Variants in DNM3 observed in about 807,000 individuals in gnomAD.
DNM3 encodes the protein dynamin-3.
DNM3 carries 47 observed loss-of-function variants against 101.6 expected under a neutral mutation model. The observed-to-expected ratio is 0.46, with a 90% confidence interval of 0.37 to 0.59. DNM3 has a LOEUF of 0.59. Among genes scored for constraint, DNM3 ranks in the 20% least tolerant of loss-of-function variants. The probability of loss-of-function intolerance (pLI) is 0.00; values close to 1 mark genes in which losing one functional copy is unlikely to be tolerated. For synonymous variants in DNM3, 385 were observed against 387.9 expected (o/e 0.99, Z 0.09); for missense variants, 849 against 1,085.7 (o/e 0.78, Z 3.06).
chr1:172,325,440 A>G (rs144516794), intron 17 of DNM3, among the ~76,000 whole-genome samples: 1 of 152,106 alleles, frequency 6.6e-6, no homozygotes, highest in Non-Finnish European at 1.5e-5. Context: ...CTTATTTTTA[A>G]TTGTTTGTTA....
downstream of DNM3, among the ~76,000 whole-genome samples, chr1:172,417,268 G>C (rs993953283): frequency 6.6e-6 from 1 of 152,122 alleles, no homozygotes; most frequent in Non-Finnish European, 1.5e-5. Context: ...TGGTTAGAAA[G>C]GGGAAATTAA....
chr1:172,252,548 G>C (rs1306780409), intron 14 of DNM3, among the ~76,000 whole-genome samples: 1 of 152,094 alleles, frequency 6.6e-6, no homozygotes, highest in Non-Finnish European at 1.5e-5. Context: ...ATTCTCTCCA[G>C]CTCTGGACTT....
intron 1 of DNM3, among the ~76,000 whole-genome samples, chr1:171,890,145 G>A (rs566861100): frequency 6.6e-6 from 1 of 152,300 alleles, no homozygotes; most frequent in Non-Finnish European, 1.5e-5. Flanking sequence ...ATCAAACAAT[G>A]ATCTTGGGTA....
intron 1 of DNM3, among the ~76,000 whole-genome samples, chr1:171,848,397 G>A (rs151185795): frequency 2.2e-4 from 34 of 152,128 alleles, no homozygotes; most frequent in African/African-American, 7.5e-4. Flanking sequence ...TAGTATACTC[G>A]TGAGTAAAGC....
intron 18 of DNM3, among the ~76,000 whole-genome samples, chr1:172,380,100 G>A (rs2068815435): frequency 1.3e-5 from 2 of 151,932 alleles, no homozygotes; most frequent in African/African-American, 4.8e-5. Flanking sequence ...GTAGAATTTA[G>A]GAGAAATCTG....
At chr1:172,418,401 T>C in exon 21 of DNM3, 2 of 1,137,602 alleles carry the variant, frequency 1.8e-6, no homozygotes, top group Non-Finnish European at 2.2e-6. Context: ...ATATGTCGTA[T>C]GTACATAAAA....
intron 2 of DNM3, among the ~76,000 whole-genome samples, chr1:171,946,660 A>G (rs550426469): frequency 6.6e-6 from 1 of 152,300 alleles, no homozygotes; most frequent in African/African-American, 2.4e-5. Context: ...TGGATAATAT[A>G]TAAAGGAAAG....
chr1:172,202,824 G>T (rs1469946840), intron 14 of DNM3, among the ~76,000 whole-genome samples: 1 of 152,178 alleles, frequency 6.6e-6, no homozygotes, highest in Non-Finnish European at 1.5e-5. Context: ...GCATTTTAAT[G>T]TTGGACTGTA....
At chr1:172,107,393 G>A (rs957783491) in intron 13 of DNM3, among the ~76,000 whole-genome samples, 6 of 139,976 alleles carry the variant, frequency 4.3e-5, no homozygotes, top group South Asian at 2.3e-4. Flanking sequence ...TAAGTGGAAT[G>A]TGGAAAAAAA....
At position 172,038,352 on chromosome 1, in the gene DNM3, A is replaced by G; in HGVS notation, c.883A>G (p.Asn295Asp). The part of the protein sequence containing the change: ...LTNHIRDTLP[N>D]FRNKLQGQLL... ...CAACCACATTCGGGATACCCTACCA[A>G]ACTTCAGGAACAAACTACAGGGACA... The change falls in exon 7 of 21, where the codon AAC becomes GAC. Residue 295 changes from asparagine to aspartate, a missense_variant. Asn to Asp is a conservative substitution (Grantham distance 23). Around this residue, in one of 5 missense-constraint regions of DNM3, gnomAD observed 388 missense variants for 483.0 expected, o/e 0.80. Transcript: ENST00000627582. 1 of 1,613,406 alleles carries G rather than the reference A, an allele frequency of 6.2e-7. No individual in the cohort carries two copies. The highest frequency in any genetic ancestry group is 1.3e-5 in the African/African-American group (1 of 74,982).
At chr1:172,139,496 T>C (rs1222410507) in intron 14 of DNM3, 1 of 152,790 alleles carries the variant, frequency 6.5e-6, no homozygotes, top group African/African-American at 2.4e-5. Flanking sequence ...TTTTTACCAA[T>C]TATATGTGAA....
chr1:172,365,624 A>C (rs1434626323), intron 17 of DNM3, among the ~76,000 whole-genome samples: 1 of 151,952 alleles, frequency 6.6e-6, no homozygotes, highest in African/African-American at 2.4e-5. Flanking sequence ...GAGGCAAAAA[A>C]TGTTTAAATT....
intron 4 of DNM3, among the ~76,000 whole-genome samples, chr1:172,022,294 G>A (rs760801625): frequency 3.9e-5 from 6 of 152,046 alleles, no homozygotes; most frequent in Non-Finnish European, 7.4e-5. Flanking sequence ...TGGATCTTTA[G>A]GTTTCTAGTG....
At chr1:171,856,799 A>G (rs2033657945) in intron 1 of DNM3, among the ~76,000 whole-genome samples, 1 of 152,194 alleles carries the variant, frequency 6.6e-6, no homozygotes, top group Admixed American at 6.5e-5. Flanking sequence ...AAATCATGTC[A>G]TCTCTGCAAA....
intron 12 of DNM3, among the ~76,000 whole-genome samples, chr1:172,089,074 G>A (rs2053729202): frequency 6.6e-6 from 1 of 152,210 alleles, no homozygotes; most frequent in Non-Finnish European, 1.5e-5. Flanking sequence ...AAATGTGCGT[G>A]CACACACGCA....
chr1:171,921,356 C>A (rs774102566), intron 1 of DNM3, among the ~76,000 whole-genome samples: 2 of 151,986 alleles, frequency 1.3e-5, no homozygotes, highest in African/African-American at 2.4e-5. Context: ...GGCCAAAGAG[C>A]GTACTGGGTT....
At chr1:172,376,123 A>C (rs1207489172) in intron 17 of DNM3, 1 of 152,138 alleles carries the variant, frequency 6.6e-6, no homozygotes, top group African/African-American at 2.4e-5. Flanking sequence ...TTTATAAATG[A>C]CTTCACATTT....
intron 20 of DNM3, chr1:172,418,194 TA>T: frequency 8.9e-7 from 1 of 1,125,626 alleles, no homozygotes; most frequent in East Asian, 5.8e-5. Context: ...TATTTGGGTT[TA>T]TTTTATAATT....
chr1:172,406,085 A>T (rs2070863760), intron 20 of DNM3, among the ~76,000 whole-genome samples: 1 of 152,042 alleles, frequency 6.6e-6, no homozygotes, highest in Non-Finnish European at 1.5e-5. Context: ...ATTAAGAGAC[A>T]GCTCATTTCT....
Sources: gnomAD v4.1 joint callset for allele counts (sites outside exome capture counted in the v4.1 genomes callset) on GRCh38, gnomAD v4.1.1 for gene constraint, gnomAD v4.1.1 regional missense constraint, MANE v1.5 for transcripts, NCBI Gene and HGNC (gene_info 2026-07-23, HGNC 2026-07-21) for gene names.